Variants in CAPN12 observed in about 807,000 individuals in gnomAD.
CAPN12 encodes calpain-12.
In CAPN12, 107 loss-of-function variants were observed where a neutral mutation model predicts 95.0. That is an observed-to-expected ratio of 1.13 (90% confidence interval 0.96 to 1.32). The LOEUF is 1.32. Ranked by LOEUF, CAPN12 falls within the 40% of genes most tolerant of loss-of-function variation. CAPN12 has a pLI of 0.00. For missense variants in CAPN12, 1,136 were observed against 997.8 expected (o/e 1.14, Z -1.87); for synonymous variants, 505 against 415.5 (o/e 1.22, Z -2.62).
Position 38,733,725 on chromosome 19 carries a change from C to T in CAPN12, c.1935G>A (p.Leu645=), listed in dbSNP as rs144004496. The T allele has an allele frequency of 1.9e-6, 3 of 1,613,532 alleles. No homozygotes were observed. In the African/African-American group the frequency reaches 4.0e-5, roughly 22 times the overall value. The change falls in exon 18 of 21, where the codon CTG becomes CTA. Residue 645 remains leucine (L), a synonymous_variant. Transcript: ENST00000328867. ...DTSGTMNSYE[L]RLALNAAGFH... The stretch of plus-strand genomic sequence containing the variant: ...CACCTGCTGCATTCAGTGCCAGCCT[C>T]AGCTCGTAGGAGTTCATGGTTCCAG...
At position 38,737,272 on chromosome 19, in the gene CAPN12, C is replaced by G; in HGVS notation, c.1246G>C (p.Ala416Pro). 1 of 1,546,438 alleles carries G rather than the reference C, an allele frequency of 6.5e-7. No homozygotes were observed. Among genetic ancestry groups the G allele is most frequent in the South Asian group, 1.2e-5 (1 of 83,888 alleles). ...GWGAAGARGP[A>P]RGGRTPKCTV... ...CACTTGGGCGTGCGGCCCCCCCGCG[C>G]TGGGCCCCGTGCCCCTGCAGCCCCC... The change falls in exon 10 of 21, where the codon GCG becomes CCG. Residue 416 changes from alanine (A) to proline (P), a missense_variant. Ala to Pro is a conservative substitution (Grantham distance 27). Coordinates refer to ENST00000328867, the MANE Select transcript of CAPN12 (RefSeq NM_144691.4).
intron 3 of CAPN12, 153 bp downstream of exon 3, chr19:38,742,257 G>C (rs1046340042): frequency 1.5e-6 from 1 of 674,320 alleles, no homozygotes; most frequent in East Asian, 2.7e-5. Flanking sequence ...CCTGGGGGCG[G>C]GGCGAAGGTT....
At chr19:38,742,615 G>A in intron 2 of CAPN12, 87 bp from the exon 3 acceptor site, 1 of 890,564 alleles carries the variant, frequency 1.1e-6, no homozygotes, top group Non-Finnish European at 1.7e-6. Flanking sequence ...CACTTTGGGA[G>A]GCCAAGGCAG....
At chr19:38,737,444 A>T (rs1418575415) in intron 9 of CAPN12, 31 bp downstream of exon 9, 1 of 1,612,002 alleles carries the variant, frequency 6.2e-7, no homozygotes. Context: ...CCCCCACCCC[A>T]GGAAGCCTCT....
intron 12 of CAPN12, 87 bp downstream of exon 12, chr19:38,736,020 TCTC>T: frequency 8.1e-6 from 1 of 123,186 alleles, no homozygotes; most frequent in African/African-American, 8.6e-5. Flanking sequence ...GTCTCGGGGG[TCTC>T]GGGGGTCTCG....
rs746931323 is a variant in CAPN12, at chr19:38,738,600, C to G, written c.778G>C (p.Ala260Pro). ...RTEEGLVKGH[A>P]YSITGTHKVF... ...TTGTGTGTGCCCGTGATGGAATACG[C>G]GTGTCCCTTTACCAGGCCCTCTTCT... The change falls in exon 6 of 21, where the codon GCG becomes CCG. Residue 260 changes from alanine (A) to proline (P), a missense_variant. Coordinates refer to ENST00000328867, the MANE Select transcript of CAPN12 (RefSeq NM_144691.4). 3.1e-6 allele frequency: 5 copies of G among 1,613,914 alleles called. No individual in the cohort carries two copies. Among genetic ancestry groups the G allele is most frequent in the Admixed American group, 1.7e-5 (1 of 60,002 alleles).
At position 38,734,843 on chromosome 19, in the gene CAPN12, G is replaced by A. The variant is rs775750926; in HGVS notation, c.1714C>T (p.Gln572Ter). 52 of 1,612,618 alleles carry A rather than the reference G, an allele frequency of 3.2e-5. No individual in the cohort carries two copies. The highest frequency in any genetic ancestry group is 2.3e-4 in the South Asian group (21 of 91,064). The change falls in exon 15 of 21, where the codon CAG becomes TAG. Residue 572 changes from glutamine (Q) to a stop codon, truncating the protein, a stop_gained. Coordinates refer to ENST00000328867, the MANE Select transcript of CAPN12 (RefSeq NM_144691.4). LOFTEE classifies it high-confidence loss of function. ...EEEELNASQLQALLSIALEPA... is the reference protein window; with the variant it reads ...EEEELNASQL ...TCCAGGGCAATGCTTAGTAAGGCCT[G>A]GAGCTGAGAGGCATTGAGTTCTTCC...
chr19:38,738,739 G>A (rs1970372987), intron 5 of CAPN12, 91 bp from the exon 6 acceptor site: 1 of 1,138,988 alleles, frequency 8.8e-7, no homozygotes, highest in Non-Finnish European at 1.3e-6. Context: ...CAAGGCAGGA[G>A]CCAACCAGAG....
At chr19:38,731,045 G>A (rs2145133448) in intron 19 of CAPN12, 22 bp from the exon 20 acceptor site, 1 of 1,557,988 alleles carries the variant, frequency 6.4e-7, no homozygotes, top group Non-Finnish European at 8.7e-7. Flanking sequence ...GGGGCAGGGT[G>A]AGTGCCCACC....
Position 38,744,059 on chromosome 19 carries a change from C to A in CAPN12, c.107G>T (p.Arg36Leu), listed in dbSNP as rs151327987. ...GATCCCCGAATCCAGGCAGGCTGCC[C>A]GAATTGCCTCATAGCTCTGGCCCCG... is the stretch of plus-strand genomic sequence containing the variant. ...LFRGQSYEAI[R>L]AACLDSGILF... is the part of the protein sequence containing the mutation. Residue 36 changes from arginine (R) to leucine (L), a missense_variant, in exon 1 of 21, where the codon CGG (arginine) becomes CTG (leucine). By Grantham distance (102) the Arg-to-Leu change is moderately radical. Transcript: ENST00000328867. 1.9e-6 allele frequency: 3 copies of A among 1,614,204 alleles called. No individual in the cohort carries two copies. The highest frequency in any genetic ancestry group is 2.5e-6 in the Non-Finnish European group (3 of 1,180,028).
Position 38,730,677 on chromosome 19 carries a change from C to G in CAPN12, c.*175G>C. On this transcript the variant is annotated 3_prime_UTR_variant, in exon 21 of 21. Coordinates refer to ENST00000328867, the MANE Select transcript of CAPN12 (RefSeq NM_144691.4). Reference sequence around the variant, plus strand: ...AGAAGGGCTGTCGCTGTTCTTGTTTCTGAGTGAGGAGTACGCAGGCCAGAG... The same window carrying G: ...AGAAGGGCTGTCGCTGTTCTTGTTTGTGAGTGAGGAGTACGCAGGCCAGAG... The G allele has an allele frequency of 2.9e-6, 2 of 700,640 alleles. No individual in the cohort carries two copies. 43.4% of individuals were successfully genotyped at this position (700,640 alleles called of 1,614,324 possible). A position where few individuals can be genotyped will look rare whatever the true frequency, so the allele number is the denominator to read the frequency against.
At chr19:38,733,511 T>A in intron 18 of CAPN12, 192 bp downstream of exon 18, 9 of 507,790 alleles carry the variant, frequency 1.8e-5, no homozygotes, top group Non-Finnish European at 2.8e-5. Flanking sequence ...CACACGCCCC[T>A]TGCCCTTCTC....
chr19:38,739,710 C>CTTT (rs58154433), intron 5 of CAPN12: 4 of 151,596 alleles, frequency 2.6e-5, no homozygotes, highest in Admixed American at 7.0e-5. Context: ...GAAAGAGGCA[C>CTTT]TTTTTTTTTT....
chr19:38,739,955 A>G, intron 5 of CAPN12, 96 bp downstream of exon 5: 4 of 1,266,348 alleles, frequency 3.2e-6, no homozygotes, highest in South Asian at 1.8e-5. Context: ...CAGTAACGGA[A>G]GCAGAGAACA....
chr19:38,743,746 C>T (rs1003666438), intron 1 of CAPN12, among the ~76,000 whole-genome samples, 183 bp downstream of exon 1: 1 of 147,088 alleles, frequency 6.8e-6, no homozygotes, highest in African/African-American at 2.5e-5. Context: ...GCCCTTCCTC[C>T]CTCAGACCCA....
rs1969561740 is a variant in CAPN12, at chr19:38,731,100, T to C, written c.2074+7A>G. ...CCCATGCCCCACCATGCCGGGGTGG[T>C]ACTCACAGAAGATGCAGGTGAGGTG... On this transcript the variant is annotated splice_region_variant and intron_variant, in intron 19 of 20. Transcript: ENST00000328867. 2 of 1,607,458 alleles carry C rather than the reference T, an allele frequency of 1.2e-6. No individual in the cohort carries two copies. The highest frequency in any genetic ancestry group is 1.7e-6 in the Non-Finnish European group (2 of 1,177,598).
chr19:38,736,185 A>G lies in CAPN12; in HGVS notation c.1508T>C (p.Val503Ala), dbSNP rs1970125179. The G allele has an allele frequency of 6.6e-7, 1 of 1,512,806 alleles. No homozygotes were observed. Among genetic ancestry groups the G allele is most frequent in the African/African-American group, 1.4e-5 (1 of 69,294 alleles). 93.7% of individuals were successfully genotyped at this position (1,512,806 alleles called of 1,614,324 possible). A position where few individuals can be genotyped will look rare whatever the true frequency, so the allele number is the denominator to read the frequency against. ...GTCGCCGGCGTGGGCGGTGCTCGGC[A>G]CCACCAGGTAGTGGCCTGGACGCAG... The part of the protein sequence containing the change: ...CCLRPGHYLV[V>A]PSTAHAGDEA... The change falls in exon 12 of 21, where the codon GTG becomes GCG. Residue 503 changes from valine (V) to alanine (A), a missense_variant. Transcript: ENST00000328867.
At chr19:38,736,602 G>GTCGGGGCA in intron 10 of CAPN12, 39 bp from the exon 11 acceptor site, 2 of 1,585,574 alleles carry the variant, frequency 1.3e-6, no homozygotes, top group Admixed American at 1.8e-5. Flanking sequence ...GGGCAGGGGA[G>GTCGGGGCA]AGGTGGCCGC....
At chr19:38,743,907 C>G (rs371365051) in intron 1 of CAPN12, 22 bp downstream of exon 1, 51 of 1,610,652 alleles carry the variant, frequency 3.2e-5, no homozygotes, top group Non-Finnish European at 4.2e-5. Flanking sequence ...ACCCCAGAGC[C>G]CAGACCCCAG....
Sources: allele counts gnomAD v4.1 joint callset (sites outside exome capture counted in the v4.1 genomes callset), GRCh38; gene constraint gnomAD v4.1.1; transcripts MANE v1.5; gene names NCBI Gene and HGNC (gene_info 2026-07-23, HGNC 2026-07-21).